Variants in CSMD1 observed in about 807,000 individuals in gnomAD.
The protein encoded by CSMD1 is CUB and sushi domain-containing protein 1.
In CSMD1, 213 loss-of-function variants were observed where a neutral mutation model predicts 417.5. The observed-to-expected ratio is 0.51, with a 90% CI of 0.46 to 0.57. The LOEUF (loss-of-function observed/expected upper bound fraction) is 0.57, where lower values mean the gene tolerates loss of function less well. CSMD1 is among the 20% of genes least tolerant of loss of function. The probability of loss-of-function intolerance (pLI) is 0.00; values close to 1 mark genes in which losing one functional copy is unlikely to be tolerated. For missense variants in CSMD1, 6,923 were observed against 4,529.7 expected, an observed-to-expected ratio of 1.53 and a Z score of -15.17; for synonymous variants, 2,862 against 1,736.8, an observed-to-expected ratio of 1.65 and a Z score of -16.11.
intron 26 of CSMD1, among the ~76,000 whole-genome samples, chr8:3,232,405 T>C (rs997970483): frequency 2.6e-5 from 4 of 152,238 alleles, no homozygotes; most frequent in Admixed American, 2.0e-4. Flanking sequence ...CATCTACATT[T>C]AGGCATGATG....
chr8:3,197,996 A>G (rs1796795182), intron 33 of CSMD1, among the ~76,000 whole-genome samples: 2 of 152,192 alleles, frequency 1.3e-5, no homozygotes, highest in South Asian at 2.1e-4. Context: ...AATTTATAAA[A>G]TATTGAGGAT....
intron 2 of CSMD1, among the ~76,000 whole-genome samples, chr8:4,539,913 G>A (rs949335133): frequency 3.3e-5 from 5 of 152,088 alleles, no homozygotes; most frequent in African/African-American, 1.2e-4. Flanking sequence ...GGAAATCTCA[G>A]GGCTGGATTT....
chr8:4,962,973 C>T (rs73515825), intron 1 of CSMD1, among the ~76,000 whole-genome samples: 1,945 of 152,146 alleles, frequency 0.013, 43 homozygotes, highest in African/African-American at 0.044. Context: ...GGAAAAGGAT[C>T]GAAGAATCTA....
intron 5 of CSMD1, among the ~76,000 whole-genome samples, chr8:3,991,203 T>C (rs868027536): frequency 1.1e-4 from 16 of 152,260 alleles, no homozygotes; most frequent in Middle Eastern, 6.8e-3. Flanking sequence ...ATATCCAGGA[T>C]AAGGCATGTG....
intron 3 of CSMD1, among the ~76,000 whole-genome samples, chr8:4,136,778 G>A (rs770337415): frequency 6.6e-6 from 1 of 152,126 alleles, no homozygotes; most frequent in Non-Finnish European, 1.5e-5. Context: ...ATAATGATTA[G>A]TTTGTTGGAC....
chr8:3,927,345 G>A (rs1460676031), intron 5 of CSMD1, among the ~76,000 whole-genome samples: 5 of 151,840 alleles, frequency 3.3e-5, no homozygotes, highest in Admixed American at 6.6e-5. Context: ...AGTATTCAAT[G>A]GAAAAAGGAA....
intron 7 of CSMD1, among the ~76,000 whole-genome samples, chr8:3,701,464 G>C (rs1018528031): frequency 2.0e-5 from 3 of 151,838 alleles, no homozygotes; most frequent in Non-Finnish European, 4.4e-5. Context: ...TAAACTCAGA[G>C]GCTGACATGA....
chr8:4,491,626 A>C (rs1182531861), intron 2 of CSMD1, among the ~76,000 whole-genome samples: 1 of 152,204 alleles, frequency 6.6e-6, no homozygotes, highest in Non-Finnish European at 1.5e-5. Flanking sequence ...AGAGTAAATA[A>C]GCATATGAAA....
At chr8:4,195,971 G>C (rs1017105948) in intron 3 of CSMD1, among the ~76,000 whole-genome samples, 1 of 151,970 alleles carries the variant, frequency 6.6e-6, no homozygotes, top group Admixed American at 6.6e-5. Context: ...CAACACTTTG[G>C]GGCACCGAGG....
intron 5 of CSMD1, among the ~76,000 whole-genome samples, chr8:3,903,273 G>C (rs999394868): frequency 2.0e-5 from 3 of 151,670 alleles, no homozygotes; most frequent in Non-Finnish European, 4.4e-5. Context: ...TGGTTTTCTT[G>C]CCTCTGTCCC....
At chr8:4,674,172 T>C (rs541597655) in intron 1 of CSMD1, among the ~76,000 whole-genome samples, 1 of 152,182 alleles carries the variant, frequency 6.6e-6, no homozygotes, top group East Asian at 1.9e-4. Context: ...GGAAAATCGA[T>C]CTAATGGTCA....
chr8:4,687,462 C>T (rs2116744129), intron 1 of CSMD1, among the ~76,000 whole-genome samples: 1 of 152,232 alleles, frequency 6.6e-6, no homozygotes, highest in Admixed American at 6.5e-5. Flanking sequence ...ACACTAAGTC[C>T]ACCTGATCAA....
intron 49 of CSMD1, among the ~76,000 whole-genome samples, chr8:3,081,243 C>T (rs1283454914): frequency 6.6e-6 from 1 of 152,060 alleles, no homozygotes; most frequent in Non-Finnish European, 1.5e-5. Context: ...TGAATATATT[C>T]TTCTAGATAT....
intron 5 of CSMD1, among the ~76,000 whole-genome samples, chr8:3,860,495 T>C (rs1804625392): frequency 6.6e-6 from 1 of 152,174 alleles, no homozygotes; most frequent in Admixed American, 6.5e-5. Flanking sequence ...GTACTTGAAG[T>C]TCCTTTATGC....
At chr8:3,718,451 G>A (rs547062850) in intron 6 of CSMD1, among the ~76,000 whole-genome samples, 1 of 152,164 alleles carries the variant, frequency 6.6e-6, no homozygotes, top group Non-Finnish European at 1.5e-5. Flanking sequence ...AAAGCCTGAT[G>A]TTATAAGTCA....
At chr8:3,637,260 C>T (rs4515571) in intron 7 of CSMD1, among the ~76,000 whole-genome samples, 68,239 of 151,722 alleles carry the variant, frequency 0.45, 15,516 homozygotes, top group Middle Eastern at 0.62. Context: ...TACCTAAAAA[C>T]AGGTTGTCTC....
chr8:4,182,042 GTCGGT>G lies in CSMD1; in HGVS notation c.416-149948_416-149944del, dbSNP rs1563234638. Among the ~76,000 whole-genome samples, 555 of 68,160 alleles carry G rather than the reference GTCGGT, an allele frequency of 8.1e-3. 5 individuals are homozygous for G. Among genetic ancestry groups the G allele is most frequent in the African/African-American group, 0.019 (512 of 26,422 alleles). 44.7% of individuals were successfully genotyped at this position (68,160 alleles called of 152,430 possible). A position where few individuals can be genotyped will look rare whatever the true frequency, so the allele number is the denominator to read the frequency against. On this transcript the variant is annotated intron_variant, in intron 3 of 69. Transcript: ENST00000635120. ...TACACACCCGTGTGTGTGTGTGTGT[GTCGGT>G]GTGTGTGTGTGTGTATACCTAAATT...
chr8:3,926,219 G>C (rs1809716559), intron 5 of CSMD1, among the ~76,000 whole-genome samples: 1 of 151,874 alleles, frequency 6.6e-6, no homozygotes, highest in South Asian at 2.1e-4. Flanking sequence ...AACGTATGTT[G>C]ATTTATTTCC....
intron 1 of CSMD1, among the ~76,000 whole-genome samples, chr8:4,888,723 G>C (rs993726892): frequency 6.6e-6 from 1 of 152,100 alleles, no homozygotes; most frequent in African/African-American, 2.4e-5. Context: ...TGCAGGGAAA[G>C]TGCAGGCCAA....
Sources: gnomAD v4.1 joint callset for allele counts (sites outside exome capture counted in the v4.1 genomes callset) on GRCh38, gnomAD v4.1.1 for gene constraint, MANE v1.5 for transcripts, NCBI Gene and HGNC (gene_info 2026-07-23, HGNC 2026-07-21) for gene names.